Variants in LARP4B observed in about 807,000 individuals in gnomAD.
LARP4B encodes la-related protein 4B.
LARP4B carries 12 observed loss-of-function variants against 89.8 expected under a neutral mutation model. The observed-to-expected ratio is 0.13, with a 90% confidence interval of 0.09 to 0.22. The LOEUF (loss-of-function observed/expected upper bound fraction) is 0.22. Among genes scored for constraint, LARP4B ranks in the 10% least tolerant of loss-of-function variants. The pLI, the probability that LARP4B is intolerant of heterozygous loss-of-function variation, is 1.00. For missense variants in LARP4B, 757 were observed against 947.7 expected (o/e 0.80, Z 2.64); for synonymous variants, 367 against 363.3 (o/e 1.01, Z -0.12).
intron 1 of LARP4B, among the ~76,000 whole-genome samples, chr10:904,338 G>T (rs1034515893): frequency 6.6e-6 from 1 of 152,176 alleles, no homozygotes; most frequent in African/African-American, 2.4e-5. Flanking sequence ...GAGATCACTT[G>T]AGCTCAGGAG....
At chr10:880,745 T>G (rs925017031) in intron 3 of LARP4B, among the ~76,000 whole-genome samples, 1 of 152,074 alleles carries the variant, frequency 6.6e-6, no homozygotes, top group Non-Finnish European at 1.5e-5. Context: ...TAGAGTTTAG[T>G]ATGAGGATGA....
At chr10:921,515 G>A (rs909328435) in intron 1 of LARP4B, among the ~76,000 whole-genome samples, 1 of 152,052 alleles carries the variant, frequency 6.6e-6, no homozygotes, top group African/African-American at 2.4e-5. Flanking sequence ...GACGCGGGGA[G>A]GGGGAGGACT....
rs762066809 is a variant in LARP4B, at chr10:817,783, G to A, written c.1637C>T (p.Thr546Ile). Residue 546 changes from threonine (T) to isoleucine (I), a missense_variant, in exon 15 of 18, where the codon ACA (threonine) becomes ATA (isoleucine). Physicochemically the swap from Thr to Ile is moderately conservative, Grantham distance 89. This residue lies in a region of LARP4B where 387 missense variants were observed against 423.6 expected (regional missense o/e 0.91). Transcript: ENST00000316157. ...TAGCCTGTTTTCAAACAAGTCCTCTGTCTTCAAATTGCCGGCAGCTCCAGG... is the reference window on the plus strand; with the variant it reads ...TAGCCTGTTTTCAAACAAGTCCTCTATCTTCAAATTGCCGGCAGCTCCAGG... ...PLPGAAGNLK[T>I]EDLFENRLSS... 16 of 1,614,190 alleles carry A rather than the reference G, an allele frequency of 9.9e-6. No homozygotes were observed. Among genetic ancestry groups the A allele is most frequent in the Non-Finnish European group, 1.0e-5 (12 of 1,180,038 alleles).
intron 3 of LARP4B, chr10:870,041 C>A: frequency 7.1e-6 from 7 of 985,718 alleles, no homozygotes; most frequent in Non-Finnish European, 8.4e-6. Flanking sequence ...ATGCCATCCC[C>A]AAACAACACC....
chr10:984,535 C>A, the LARP4B span, among the ~76,000 whole-genome samples: 5 of 152,150 alleles, frequency 3.3e-5, no homozygotes, highest in Non-Finnish European at 7.3e-5. Flanking sequence ...TGAGCAAGGG[C>A]AGAAGTTCAT....
intron 8 of LARP4B, among the ~76,000 whole-genome samples, chr10:835,601 C>T (rs1833170966): frequency 6.6e-6 from 1 of 152,182 alleles, no homozygotes. Flanking sequence ...TCAGTTTAGG[C>T]ATCTGGACAA....
Position 822,318 on chromosome 10 carries a change from C to T in LARP4B, c.1485-1473G>A, listed in dbSNP as rs1832395035. On this transcript the variant is annotated intron_variant, in intron 13 of 17. Transcript: ENST00000316157. This position sits in a 1 kb window ranked among gnomAD's most constrained non-coding sequence, Gnocchi z 4.6. ...CCCTGAGCGCTGGACAGAGGGACAGCAGCCACATGGGCAGAGGACATCCCG... is the reference window on the plus strand; with the variant it reads ...CCCTGAGCGCTGGACAGAGGGACAGTAGCCACATGGGCAGAGGACATCCCG... Among the ~76,000 whole-genome samples, 1 of 152,244 alleles carries T rather than the reference C, an allele frequency of 6.6e-6. No individual in the cohort carries two copies. Among genetic ancestry groups the T allele is most frequent in the African/African-American group, 2.4e-5 (1 of 41,462 alleles).
At chr10:941,720 A>G in the LARP4B span, among the ~76,000 whole-genome samples, 1 of 151,860 alleles carries the variant, frequency 6.6e-6, no homozygotes, top group African/African-American at 2.4e-5. Flanking sequence ...GTTGTGCTAT[A>G]TTGTTATTTC....
At chr10:941,506 C>CA in the LARP4B span, among the ~76,000 whole-genome samples, 27 of 151,646 alleles carry the variant, frequency 1.8e-4, no homozygotes, top group African/African-American at 6.1e-4. Flanking sequence ...TAGAGATGGG[C>CA]GGGGGGTGTC....
At chr10:896,599 C>T (rs901827699) in intron 1 of LARP4B, among the ~76,000 whole-genome samples, 19 of 152,104 alleles carry the variant, frequency 1.2e-4, no homozygotes, top group African/African-American at 4.6e-4. Flanking sequence ...ATTTATATTA[C>T]CTAATGGGTT....
chr10:813,025 G>C lies in LARP4B; in HGVS notation c.2118C>G (p.Pro706=), dbSNP rs768385386. The change falls in exon 18 of 18, where the codon CCC becomes CCG. Residue 706 remains proline, a synonymous_variant. Transcript: ENST00000316157. ...PPALKSTPGA[P]RDQRRPAGGR... is the part of the protein sequence containing the mutation. Reference sequence around the variant, plus strand: ...CCCCCGCCGGCCGCCTCTGGTCTCTGGGGGCTCCAGGTGTGGACTTGAGGG... The same window carrying C: ...CCCCCGCCGGCCGCCTCTGGTCTCTCGGGGCTCCAGGTGTGGACTTGAGGG... 3.7e-6 allele frequency: 6 copies of C among 1,609,752 alleles called. No homozygotes were observed. In the East Asian group the frequency reaches 1.1e-4, roughly 30 times the overall value.
chr10:833,102 A>G (rs1832992419), intron 8 of LARP4B, among the ~76,000 whole-genome samples: 1 of 152,042 alleles, frequency 6.6e-6, no homozygotes, highest in Non-Finnish European at 1.5e-5. Flanking sequence ...TGTGAATTAC[A>G]CGGACTCTAG....
chr10:833,924 G>A (rs1833065974), intron 8 of LARP4B, among the ~76,000 whole-genome samples: 1 of 150,700 alleles, frequency 6.6e-6, no homozygotes, highest in Non-Finnish European at 1.5e-5. Context: ...TTTTCAGATT[G>A]GATAAGAAAA....
At chr10:986,367 G>A in the LARP4B span, 1 of 152,284 alleles carries the variant, frequency 6.6e-6, no homozygotes, top group Middle Eastern at 3.4e-3. Flanking sequence ...AATGTGCCTC[G>A]TACTGCAGGC....
intron 12 of LARP4B, 52 bp downstream of exon 12, chr10:825,712 G>T (rs949162350): frequency 3.3e-6 from 4 of 1,221,334 alleles, no homozygotes. Flanking sequence ...TCCCAACTCC[G>T]GAAGGGCAGT....
intron 1 of LARP4B, among the ~76,000 whole-genome samples, chr10:886,094 G>C (rs140543436): frequency 5.2e-4 from 79 of 152,086 alleles, no homozygotes; most frequent in African/African-American, 1.7e-3. Context: ...AGATATATAA[G>C]GAACTCACAC....
chr10:926,875 A>G (rs1223580993), intron 1 of LARP4B, among the ~76,000 whole-genome samples: 2 of 152,086 alleles, frequency 1.3e-5, no homozygotes, highest in East Asian at 3.9e-4. Flanking sequence ...AATTTGTACT[A>G]AAGTACAAAA....
intron 9 of LARP4B, 143 bp from the exon 10 acceptor site, chr10:829,877 C>T: frequency 3.1e-6 from 2 of 641,700 alleles, no homozygotes; most frequent in Non-Finnish European, 2.7e-6. Context: ...TTGACACTCC[C>T]TGGGTCACAG....
intron 3 of LARP4B, among the ~76,000 whole-genome samples, chr10:878,768 T>G (rs34684583): frequency 6.6e-6 from 1 of 152,196 alleles, no homozygotes; most frequent in Non-Finnish European, 1.5e-5. Context: ...TACAACTGTT[T>G]GCATGGTACT....
Sources: gnomAD v4.1 joint callset for allele counts (sites outside exome capture counted in the v4.1 genomes callset) on GRCh38, gnomAD v4.1.1 for gene constraint, gnomAD v4.1.1 regional missense constraint, Gnocchi (gnomAD v3.1) non-coding constraint, MANE v1.5 for transcripts, NCBI Gene and HGNC (gene_info 2026-07-23, HGNC 2026-07-21) for gene names.